Variants in MEGF10 observed in about 807,000 individuals in gnomAD.
MEGF10 encodes the protein multiple epidermal growth factor-like domains protein 10.
A neutral mutation model predicts 147.5 loss-of-function variants in MEGF10; 86 were observed. That is an observed-to-expected ratio of 0.58 (90% CI 0.49 to 0.70). MEGF10 has a LOEUF of 0.70. Among genes scored for constraint, MEGF10 ranks in the 30% least tolerant of loss-of-function variants. MEGF10 has a pLI of 0.00. For synonymous variants in MEGF10, 478 were observed against 525.5 expected (o/e 0.91, Z 1.24); for missense variants, 1,329 against 1,487.3 (o/e 0.89, Z 1.75).
At chr5:127,235,586 C>T in the MEGF10 span, among the ~76,000 whole-genome samples, 974 of 152,280 alleles carry the variant, frequency 6.4e-3, 6 homozygotes, top group African/African-American at 0.022. Context: ...CAGCTCTCTG[C>T]GGTAATTTTT....
chr5:127,373,341 G>A (rs761275718), intron 5 of MEGF10, among the ~76,000 whole-genome samples: 31 of 152,008 alleles, frequency 2.0e-4, no homozygotes, highest in Non-Finnish European at 3.7e-4. Flanking sequence ...TAGCAGAGAC[G>A]GGGTTTCACC....
chr5:127,263,888 A>G, the MEGF10 span, among the ~76,000 whole-genome samples: 1 of 152,214 alleles, frequency 6.6e-6, no homozygotes, highest in Non-Finnish European at 1.5e-5. Context: ...GAACTACATC[A>G]TGTGACCAGA....
chr5:127,432,896 A>G (rs1374176861), intron 13 of MEGF10, among the ~76,000 whole-genome samples: 3 of 152,154 alleles, frequency 2.0e-5, no homozygotes, highest in African/African-American at 7.2e-5. Context: ...AAGTTATTTT[A>G]AGATTATGTT....
the MEGF10 span, among the ~76,000 whole-genome samples, chr5:127,274,677 A>C: frequency 6.6e-6 from 1 of 152,084 alleles, no homozygotes; most frequent in African/African-American, 2.4e-5. Flanking sequence ...TGTTTTCTCA[A>C]GCAAGGGTTT....
At chr5:127,319,658 A>G (rs183401568) in intron 1 of MEGF10, among the ~76,000 whole-genome samples, 5 of 152,330 alleles carry the variant, frequency 3.3e-5, no homozygotes, top group Admixed American at 1.3e-4. Context: ...TTGAGTAGAC[A>G]TAATTCACTG....
the MEGF10 span, among the ~76,000 whole-genome samples, chr5:127,254,842 T>C: frequency 1.3e-5 from 2 of 151,556 alleles, no homozygotes; most frequent in Non-Finnish European, 2.9e-5. Flanking sequence ...GTTATTGATA[T>C]TGATATCGTA....
At chr5:127,358,594 C>T (rs1051192109) in intron 4 of MEGF10, among the ~76,000 whole-genome samples, 1 of 152,178 alleles carries the variant, frequency 6.6e-6, no homozygotes, top group African/African-American at 2.4e-5. Flanking sequence ...TGCATAGAAG[C>T]GTCATGCTTT....
chr5:127,260,584 C>T, the MEGF10 span, among the ~76,000 whole-genome samples: 1 of 152,170 alleles, frequency 6.6e-6, no homozygotes, highest in African/African-American at 2.4e-5. Context: ...AACTCTGTCA[C>T]TCATTGTCTC....
At chr5:127,457,016 C>A in intron 24 of MEGF10, 112 bp from the exon 25 acceptor site, 1 of 1,091,480 alleles carries the variant, frequency 9.2e-7, no homozygotes, top group East Asian at 2.6e-5. Flanking sequence ...CCAGCATTTC[C>A]TTATATTTTT....
intron 16 of MEGF10, among the ~76,000 whole-genome samples, chr5:127,437,182 C>T (rs1347549124): frequency 6.6e-6 from 1 of 152,164 alleles, no homozygotes; most frequent in Admixed American, 6.5e-5. Context: ...ATCAAATGGG[C>T]TAGACGCTTC....
chr5:127,374,607 C>T (rs1762959921), intron 5 of MEGF10, among the ~76,000 whole-genome samples: 1 of 151,976 alleles, frequency 6.6e-6, no homozygotes, highest in South Asian at 2.1e-4. Context: ...GATGCAAGTC[C>T]CAACATTCAT....
chr5:127,353,978 G>A (rs764332973), intron 4 of MEGF10, among the ~76,000 whole-genome samples: 6 of 152,170 alleles, frequency 3.9e-5, no homozygotes, highest in African/African-American at 1.2e-4. Flanking sequence ...TAAATAAGAA[G>A]CCTTAACTCC....
At chr5:127,369,798 G>A (rs1762786804) in intron 4 of MEGF10, 112 bp from the exon 5 acceptor site, 1 of 722,420 alleles carries the variant, frequency 1.4e-6, no homozygotes, top group Non-Finnish European at 2.3e-6. Flanking sequence ...AAATTATCAA[G>A]CATGCATGTT....
At chr5:127,256,506 C>T in the MEGF10 span, among the ~76,000 whole-genome samples, 1 of 151,888 alleles carries the variant, frequency 6.6e-6, no homozygotes, top group Admixed American at 6.6e-5. Flanking sequence ...AGTAATTTTC[C>T]TTCGACTGAC....
At position 127,422,789 on chromosome 5, in the gene MEGF10, G is replaced by T; in HGVS notation, c.1693+17G>T. On this transcript the variant is annotated intron_variant, in intron 13 of 24. Transcript: ENST00000503335. ...GATGGTCAGGTGAGAGCCAAGGACC[G>T]CTAATTGAAAGGTGAAACCCGCCAA... 1.2e-6 allele frequency: 2 copies of T among 1,600,736 alleles called. No individual in the cohort carries two copies. The highest frequency in any genetic ancestry group is 1.7e-6 in the Non-Finnish European group (2 of 1,169,470).
intron 5 of MEGF10, among the ~76,000 whole-genome samples, chr5:127,391,102 G>GCACACA (rs70997334): frequency 0.019 from 1,028 of 53,808 alleles, 17 homozygotes; most frequent in South Asian, 0.034. Context: ...GCGCGCGCGC[G>GCACACA]CACACACACA....
chr5:127,302,087 A>G (rs1003778689), intron 1 of MEGF10, among the ~76,000 whole-genome samples: 2 of 152,146 alleles, frequency 1.3e-5, no homozygotes, highest in African/African-American at 4.8e-5. Flanking sequence ...GCTGCTAGTG[A>G]ATGAATTTGT....
At chr5:127,246,272 G>A in the MEGF10 span, among the ~76,000 whole-genome samples, 156 of 152,246 alleles carry the variant, frequency 1.0e-3, 1 homozygote, top group Non-Finnish European at 1.9e-3. Flanking sequence ...CTACTATGCA[G>A]CCGTAAGAAG....
At chr5:127,397,276 A>G (rs980102290) in intron 6 of MEGF10, among the ~76,000 whole-genome samples, 6 of 152,220 alleles carry the variant, frequency 3.9e-5, no homozygotes, top group Admixed American at 3.9e-4. Flanking sequence ...ACTCTTAGGG[A>G]TACATACATT....
Sources: gnomAD v4.1 joint callset for allele counts (sites outside exome capture counted in the v4.1 genomes callset) on GRCh38, gnomAD v4.1.1 for gene constraint, MANE v1.5 for transcripts, NCBI Gene and HGNC (gene_info 2026-07-23, HGNC 2026-07-21) for gene names.